CCDC92: variants seen among roughly 807,000 people sequenced by gnomAD.
CCDC92 encodes the protein coiled-coil domain containing 92.
Under a neutral mutation model 24.9 loss-of-function variants are expected in CCDC92, and 12 were observed. The observed-to-expected ratio is 0.48, with a 90% CI of 0.31 to 0.78. The LOEUF is 0.78. Among genes scored for constraint, CCDC92 ranks in the 30% least tolerant of loss-of-function variants. The pLI is 0.05. For missense variants in CCDC92, 399 were observed against 439.4 expected (o/e 0.91, Z 0.82); for synonymous variants, 193 against 196.3 (o/e 0.98, Z 0.14).
At chr12:123,942,016 A>T (rs73221411) in intron 4 of CCDC92, among the ~76,000 whole-genome samples, 1 of 152,232 alleles carries the variant, frequency 6.6e-6, no homozygotes. Context: ...TGAGCCATCC[A>T]TTGCCTTCCC....
chr12:123,966,135 A>G (rs981376417), intron 1 of CCDC92: 1 of 152,240 alleles, frequency 6.6e-6, no homozygotes, highest in Non-Finnish European at 1.5e-5. Flanking sequence ...TTGTAACAGG[A>G]GTCCATCATT....
intron 1 of CCDC92, among the ~76,000 whole-genome samples, chr12:123,964,348 A>G (rs1020061383): frequency 4.6e-5 from 7 of 151,978 alleles, no homozygotes; most frequent in Non-Finnish European, 7.4e-5. Flanking sequence ...ACTTTTAAAG[A>G]AAATCCTTTC....
Position 123,936,780 on chromosome 12 carries a change from G to A in CCDC92, c.*278C>T, listed in dbSNP as rs1955508925. 1 of 562,846 alleles carries A rather than the reference G, an allele frequency of 1.8e-6. No individual in the cohort carries two copies. The highest frequency in any genetic ancestry group is 3.3e-5 in the Admixed American group (1 of 30,148). The allele number at this position is 562,846 out of a possible 1,614,324, so 34.9% of individuals were successfully genotyped here. ...TCAGTAGTGACGCAGCCGTGGCCTG[G>A]GCTTTGCCTGCAGCGCACTTAGGTT... On this transcript the variant is annotated 3_prime_UTR_variant, in exon 5 of 5. Coordinates refer to ENST00000238156, the MANE Select transcript of CCDC92 (RefSeq NM_025140.3).
chr12:123,947,220 G>T (rs973152818), intron 1 of CCDC92, among the ~76,000 whole-genome samples: 1 of 152,180 alleles, frequency 6.6e-6, no homozygotes, highest in African/African-American at 2.4e-5. Flanking sequence ...GGGACCTGCA[G>T]CCTGCCATGC....
At chr12:123,942,710 C>T (rs770379411) in intron 4 of CCDC92, 34 bp downstream of exon 4, 6 of 1,558,690 alleles carry the variant, frequency 3.8e-6, no homozygotes, top group Non-Finnish European at 4.4e-6. Context: ...AAAGGGAAAC[C>T]TACTGTCATT....
At chr12:123,948,542 C>G (rs181622794) in intron 1 of CCDC92, among the ~76,000 whole-genome samples, 12 of 152,320 alleles carry the variant, frequency 7.9e-5, no homozygotes, top group African/African-American at 2.9e-4. Flanking sequence ...CAGAGCTCCA[C>G]AGTGAGCGCT....
Position 123,937,034 on chromosome 12 carries a change from G to A in CCDC92, c.*24C>T, listed in dbSNP as rs776546839. The A allele has an allele frequency of 3.7e-6, 6 of 1,612,914 alleles. No homozygotes were observed. In the Admixed American group the frequency reaches 8.3e-5, roughly 22 times the overall value. On this transcript the variant is annotated 3_prime_UTR_variant, in exon 5 of 5. Transcript: ENST00000238156. The surrounding 1 kb of genome is among the most constrained non-coding windows in gnomAD (Gnocchi z 8.4). ...CAGTGGTGCTCACAGTGCATGGACA[G>A]CGCGGGGTGGGGCACGGCGGGCTTC...
At chr12:123,954,572 C>G (rs1407755255) in intron 1 of CCDC92, among the ~76,000 whole-genome samples, 1 of 152,202 alleles carries the variant, frequency 6.6e-6, no homozygotes, top group Non-Finnish European at 1.5e-5. Context: ...CTCCGATTAT[C>G]TCATACTTTA....
intron 1 of CCDC92, among the ~76,000 whole-genome samples, chr12:123,955,635 G>A (rs748958001): frequency 5.9e-5 from 9 of 152,088 alleles, no homozygotes; most frequent in South Asian, 2.1e-4. Flanking sequence ...TTTAGTAATT[G>A]AAGCTCTATA....
chr12:123,963,076 G>C (rs1250901121), intron 1 of CCDC92, among the ~76,000 whole-genome samples: 1 of 152,146 alleles, frequency 6.6e-6, no homozygotes, highest in Non-Finnish European at 1.5e-5. Context: ...GAGCGTGTGG[G>C]TGGGTGCCAC....
Position 123,943,435 on chromosome 12 carries a change from C to A in CCDC92, c.93G>T (p.Gln31His). 1.2e-6 allele frequency: 2 copies of A among 1,614,220 alleles called. No homozygotes were observed. The highest frequency in any genetic ancestry group is 1.7e-6 in the Non-Finnish European group (2 of 1,180,048). ...TNLENQLHSA[Q>H]KNLLFLQREH... ...CCCGCTGAAGGAACAGGAGGTTCTTCTGTGCGCTGTGCAGCTGGTTCTCCA... is the reference window on the plus strand; with the variant it reads ...CCCGCTGAAGGAACAGGAGGTTCTTATGTGCGCTGTGCAGCTGGTTCTCCA... Residue 31 changes from glutamine (Q) to histidine (H), a missense_variant, in exon 3 of 5, where the codon CAG becomes CAT. Coordinates refer to ENST00000238156, the MANE Select transcript of CCDC92 (RefSeq NM_025140.3).
intron 1 of CCDC92, among the ~76,000 whole-genome samples, chr12:123,950,496 G>A (rs930060432): frequency 2.6e-5 from 4 of 152,216 alleles, no homozygotes; most frequent in African/African-American, 9.7e-5. Context: ...TAGGAAGCTG[G>A]GTGAGGGTGG....
intron 1 of CCDC92, chr12:123,966,730 C>T (rs1194662595): frequency 3.9e-5 from 6 of 152,250 alleles, no homozygotes; most frequent in Non-Finnish European, 5.9e-5. Flanking sequence ...TCAAGATGGT[C>T]ACTGCACAGG....
At chr12:123,956,053 G>A (rs545269840) in intron 1 of CCDC92, among the ~76,000 whole-genome samples, 12 of 152,180 alleles carry the variant, frequency 7.9e-5, no homozygotes, top group Non-Finnish European at 1.6e-4. Context: ...CTTCCAATGA[G>A]TTGAGACAGG....
chr12:123,939,042 G>A (rs1461084319), intron 4 of CCDC92, among the ~76,000 whole-genome samples: 1 of 152,176 alleles, frequency 6.6e-6, no homozygotes, highest in Non-Finnish European at 1.5e-5. Context: ...CAAACTGCCA[G>A]ATGCCTTCCA....
At chr12:123,949,710 A>G (rs1955974550) in intron 1 of CCDC92, among the ~76,000 whole-genome samples, 1 of 152,236 alleles carries the variant, frequency 6.6e-6, no homozygotes, top group African/African-American at 2.4e-5. Flanking sequence ...ACTTGTTCAG[A>G]AAGTTAATAC....
Position 123,937,574 on chromosome 12 carries a change from G to C in CCDC92, c.480C>G (p.Ser160=). The part of the protein sequence containing the change: ...QRASTIAYLT[S]QLHAAKKKLM... Reference sequence around the variant, plus strand: ...GCTTCTTCTTGGCGGCGTGCAGCTGGGAGGTCAGGTAGGCGATGGTGCTGG... The same window carrying C: ...GCTTCTTCTTGGCGGCGTGCAGCTGCGAGGTCAGGTAGGCGATGGTGCTGG... Residue 160 remains serine, a synonymous_variant, in exon 5 of 5, where the codon TCC becomes TCG. Coordinates refer to ENST00000238156, the MANE Select transcript of CCDC92 (RefSeq NM_025140.3). The surrounding 1 kb of genome is among the most constrained non-coding windows in gnomAD (Gnocchi z 8.4). 1 of 1,613,194 alleles carries C rather than the reference G, an allele frequency of 6.2e-7. No individual in the cohort carries two copies. The highest frequency in any genetic ancestry group is 8.5e-7 in the Non-Finnish European group (1 of 1,180,026).
intron 1 of CCDC92, among the ~76,000 whole-genome samples, chr12:123,964,075 A>G (rs1391348130): frequency 2.6e-5 from 4 of 152,224 alleles, no homozygotes. Context: ...TGAACTTTGT[A>G]ATTTGCAGAA....
chr12:123,959,729 C>A (rs548090090), intron 1 of CCDC92, among the ~76,000 whole-genome samples: 2 of 152,308 alleles, frequency 1.3e-5, no homozygotes, highest in African/African-American at 4.8e-5. Flanking sequence ...GCTGTTGCGG[C>A]CACATGTAGC....
Sources: gnomAD v4.1 joint callset for allele counts (sites outside exome capture counted in the v4.1 genomes callset) on GRCh38, gnomAD v4.1.1 for gene constraint, Gnocchi (gnomAD v3.1) non-coding constraint, MANE v1.5 for transcripts, NCBI Gene and HGNC (gene_info 2026-07-23, HGNC 2026-07-21) for gene names.